PKN2: variants seen among roughly 807,000 people sequenced by gnomAD.
The protein encoded by PKN2 is serine/threonine-protein kinase N2.
A neutral mutation model predicts 119.1 loss-of-function variants in PKN2; 38 were observed. The observed-to-expected ratio is 0.32, with a 90% CI of 0.25 to 0.42. The LOEUF is 0.42. Ranked by LOEUF, PKN2 falls within the 10% of genes least tolerant of loss-of-function variation. The pLI, the probability that PKN2 is intolerant of heterozygous loss-of-function variation, is 1.00. For missense variants in PKN2, 850 were observed against 1,165.1 expected, an observed-to-expected ratio of 0.73 and a Z score of 3.94; for synonymous variants, 390 against 384.9, an observed-to-expected ratio of 1.01 and a Z score of -0.15.
intron 8 of PKN2, among the ~76,000 whole-genome samples, chr1:88,789,308 GT>G (rs1670710743): frequency 6.6e-6 from 1 of 152,152 alleles, no homozygotes; most frequent in South Asian, 2.1e-4. Flanking sequence ...AAGGATTATA[GT>G]TACTGGTATG....
intron 1 of PKN2, among the ~76,000 whole-genome samples, chr1:88,697,302 A>T (rs1292044319): frequency 6.6e-6 from 1 of 152,210 alleles, no homozygotes; most frequent in Non-Finnish European, 1.5e-5. Flanking sequence ...GCTTGAATAA[A>T]TAAATGAACA....
intron 16 of PKN2, among the ~76,000 whole-genome samples, chr1:88,817,900 GTTTA>G (rs376013829): frequency 3.9e-5 from 6 of 152,122 alleles, no homozygotes; most frequent in Middle Eastern, 3.4e-3. Flanking sequence ...AAGAAAGAAA[GTTTA>G]TTAAAATAGG....
chr1:88,762,889 G>A (rs1255118079), intron 3 of PKN2, among the ~76,000 whole-genome samples: 1 of 152,172 alleles, frequency 6.6e-6, no homozygotes. Flanking sequence ...GGAATAGCCT[G>A]GCTTGTTCTG....
intron 7 of PKN2, among the ~76,000 whole-genome samples, chr1:88,785,510 A>G (rs1458505719): frequency 2.6e-5 from 4 of 152,186 alleles, no homozygotes; most frequent in Admixed American, 6.5e-5. Context: ...GTTTACTGAG[A>G]TAGTAGCCTG....
rs1672925299 is a variant in PKN2, at chr1:88,835,854, ATATACT to A, written c.*2408_*2413del. ...TTTTAGAAACTTCCTAATGATTAAA[ATATACT>A]TTAACTTTTCTGTGTTCAAAATCTC... is the stretch of plus-strand genomic sequence containing the variant. On this transcript the variant is annotated 3_prime_UTR_variant, in exon 22 of 22. Transcript: ENST00000370521. 6.6e-6 allele frequency: 1 copy of A among 152,248 alleles called. No homozygotes were observed. Among genetic ancestry groups the A allele is most frequent in the Non-Finnish European group, 1.5e-5 (1 of 67,930 alleles). The allele number at this position is 152,248 out of a possible 1,614,324, so 9.4% of individuals were successfully genotyped here. A position where few individuals can be genotyped will look rare whatever the true frequency, so the allele number is the denominator to read the frequency against.
chr1:88,694,601 G>A (rs957663323), intron 1 of PKN2, among the ~76,000 whole-genome samples: 1 of 152,150 alleles, frequency 6.6e-6, no homozygotes, highest in Non-Finnish European at 1.5e-5. Context: ...TTGTGTGGAT[G>A]CAACTTTTCA....
At chr1:88,820,018 G>A (rs1190611727) in intron 16 of PKN2, among the ~76,000 whole-genome samples, 4 of 151,598 alleles carry the variant, frequency 2.6e-5, no homozygotes, top group Non-Finnish European at 5.9e-5. Context: ...GGGAGGGATA[G>A]CATTAGGAGA....
intron 8 of PKN2, among the ~76,000 whole-genome samples, chr1:88,796,775 C>T (rs1442349823): frequency 6.6e-6 from 1 of 152,184 alleles, no homozygotes; most frequent in East Asian, 1.9e-4. Flanking sequence ...GAATTTCCGT[C>T]TTCCAAAGCA....
chr1:88,761,486 A>C (rs142366916), intron 3 of PKN2, among the ~76,000 whole-genome samples: 1 of 151,908 alleles, frequency 6.6e-6, no homozygotes, highest in African/African-American at 2.4e-5. Context: ...ACCCCAAATG[A>C]AATTTGAGAC....
intron 6 of PKN2, among the ~76,000 whole-genome samples, chr1:88,774,025 A>C (rs1194048087): frequency 6.6e-6 from 1 of 152,196 alleles, no homozygotes; most frequent in Non-Finnish European, 1.5e-5. Flanking sequence ...GCAGGAACAA[A>C]TCATAGAACT....
At chr1:88,769,032 C>T (rs184244511) in intron 3 of PKN2, among the ~76,000 whole-genome samples, 5 of 152,320 alleles carry the variant, frequency 3.3e-5, no homozygotes, top group Non-Finnish European at 7.3e-5. Context: ...AGAACTTACT[C>T]ATACTGTGAG....
intron 1 of PKN2, among the ~76,000 whole-genome samples, chr1:88,723,912 G>A (rs986260855): frequency 6.6e-6 from 1 of 151,714 alleles, no homozygotes; most frequent in South Asian, 2.1e-4. Flanking sequence ...TTCTCTTTTG[G>A]TTCTCATAAT....
chr1:88,810,125 G>A (rs1399188006), intron 15 of PKN2, among the ~76,000 whole-genome samples: 1 of 151,666 alleles, frequency 6.6e-6, no homozygotes, highest in Non-Finnish European at 1.5e-5. Flanking sequence ...TTTAAGACTA[G>A]CTTTTTTTTT....
chr1:88,803,498 A>C (rs1448771729), intron 8 of PKN2, among the ~76,000 whole-genome samples: 1 of 152,206 alleles, frequency 6.6e-6, no homozygotes, highest in Non-Finnish European at 1.5e-5. Context: ...AATAATAGAA[A>C]AGTCCAGTAC....
intron 1 of PKN2, among the ~76,000 whole-genome samples, chr1:88,727,167 A>T (rs1667929478): frequency 6.9e-6 from 1 of 144,984 alleles, no homozygotes; most frequent in Non-Finnish European, 1.5e-5. Flanking sequence ...ATCATTTTTA[A>T]TGACGCTCTT....
At chr1:88,820,101 C>G (rs1672184426) in intron 16 of PKN2, among the ~76,000 whole-genome samples, 1 of 147,988 alleles carries the variant, frequency 6.8e-6, no homozygotes, top group African/African-American at 2.5e-5. Flanking sequence ...TGTAACAAAC[C>G]TGTACATTCT....
chr1:88,719,715 C>T (rs1293454122), intron 1 of PKN2, among the ~76,000 whole-genome samples: 5 of 152,028 alleles, frequency 3.3e-5, no homozygotes, highest in Non-Finnish European at 5.9e-5. Flanking sequence ...CTAAATTAAT[C>T]GTATACATAA....
intron 3 of PKN2, among the ~76,000 whole-genome samples, chr1:88,764,152 A>G (rs984879991): frequency 2.0e-5 from 3 of 152,016 alleles, no homozygotes; most frequent in Non-Finnish European, 4.4e-5. Context: ...CTTCTAAAAC[A>G]CCTTCCTCTC....
At chr1:88,788,647 G>A (rs1670683906) in intron 8 of PKN2, among the ~76,000 whole-genome samples, 1 of 152,032 alleles carries the variant, frequency 6.6e-6, no homozygotes, top group Non-Finnish European at 1.5e-5. Context: ...GGTTCTCCAT[G>A]TTGGTCAGGC....
Sources: gnomAD v4.1 joint callset for allele counts (sites outside exome capture counted in the v4.1 genomes callset) on GRCh38, gnomAD v4.1.1 for gene constraint, MANE v1.5 for transcripts, NCBI Gene and HGNC (gene_info 2026-07-23, HGNC 2026-07-21) for gene names.